Variants in SMTNL2 observed in about 807,000 individuals in gnomAD.
SMTNL2 encodes smoothelin like 2, also known as smoothelin-like protein 2.
Under a neutral mutation model 44.1 loss-of-function variants are expected in SMTNL2, and 43 were observed. That is an observed-to-expected ratio of 0.98 (90% CI 0.76 to 1.26). SMTNL2 has a LOEUF of 1.26. Among genes scored for constraint, SMTNL2 ranks in the 50% most tolerant of loss-of-function variants. SMTNL2 has a pLI of 0.00. For synonymous variants in SMTNL2, 317 were observed against 287.6 expected (o/e 1.10, Z -1.03); for missense variants, 646 against 670.2 (o/e 0.96, Z 0.40).
At chr17:4,603,531 G>A (rs896722348) in intron 7 of SMTNL2, among the ~76,000 whole-genome samples, 1 of 152,166 alleles carries the variant, frequency 6.6e-6, no homozygotes, top group African/African-American at 2.4e-5. Context: ...ACCCTGAGAT[G>A]AACAAGCTGA....
At position 4,584,708 on chromosome 17, in the gene SMTNL2, A is replaced by G; in HGVS notation, c.103A>G (p.Met35Val). ...TGCGGTGCGCGCGCTGCACGAGGAC[A>G]TGCGGGGGCTGCAGCGCGGCGTGGA... is the stretch of plus-strand genomic sequence containing the variant. Reference protein sequence around the residue: ...EGAVRALHEDMRGLQRGVERR... With the variant: ...EGAVRALHEDVRGLQRGVERR... Residue 35 changes from methionine to valine, a missense_variant, in exon 1 of 8, where the codon ATG becomes GTG. Transcript: ENST00000389313. 1 of 1,298,344 alleles carries G rather than the reference A, an allele frequency of 7.7e-7. No homozygotes were observed. The allele number at this position is 1,298,344 out of a possible 1,614,324, so 80.4% of individuals were successfully genotyped here. A position where few individuals can be genotyped will look rare whatever the true frequency, so the allele number is the denominator to read the frequency against.
At chr17:4,590,680 C>T (rs1042351063) in intron 1 of SMTNL2, among the ~76,000 whole-genome samples, 1 of 152,112 alleles carries the variant, frequency 6.6e-6, no homozygotes, top group African/African-American at 2.4e-5. Context: ...GTCTCCCAGC[C>T]AGATCCCTTT....
rs1910324951 is a variant in SMTNL2 at position 4,607,459 on chromosome 17, T to C, written c.1358T>C (p.Leu453Pro). ...TGTGTCTTCACCTACGTCCAGTCGCTGTACAACCACCTGCGTCGCTTCGAG... is the reference window on the plus strand; with the variant it reads ...TGTGTCTTCACCTACGTCCAGTCGCCGTACAACCACCTGCGTCGCTTCGAG... ...PMCVFTYVQS[L>P]YNHLRRFE The change falls in exon 8 of 8, where the codon CTG becomes CCG. Residue 453 changes from leucine to proline, a missense_variant. Leu to Pro is a moderately conservative substitution (Grantham distance 98). Coordinates refer to ENST00000389313, the MANE Select transcript of SMTNL2 (RefSeq NM_001114974.2). The surrounding 1 kb of genome is among the most constrained non-coding windows in gnomAD (Gnocchi z 4.7). 2.5e-6 allele frequency: 4 copies of C among 1,614,056 alleles called. No individual in the cohort carries two copies. In the South Asian group the frequency reaches 4.4e-5, roughly 18 times the overall value.
intron 1 of SMTNL2, among the ~76,000 whole-genome samples, chr17:4,588,975 G>A (rs556958984): frequency 6.0e-4 from 91 of 152,282 alleles, no homozygotes; most frequent in African/African-American, 2.1e-3. Context: ...CTTGCGCCTT[G>A]ACCTAAGGCA....
chr17:4,605,308 C>T (rs1426589526), intron 7 of SMTNL2, among the ~76,000 whole-genome samples: 1 of 151,854 alleles, frequency 6.6e-6, no homozygotes, highest in African/African-American at 2.4e-5. Flanking sequence ...TACAGGTGCA[C>T]ACCACCATGC....
Position 4,592,532 on chromosome 17 carries a change from C to A in SMTNL2, c.487+84C>A. The A allele has an allele frequency of 7.4e-7, 1 of 1,345,562 alleles. No homozygotes were observed. The highest frequency in any genetic ancestry group is 1.0e-6 in the Non-Finnish European group (1 of 978,456). 83.4% of individuals were successfully genotyped at this position (1,345,562 alleles called of 1,614,324 possible). ...GGTCAGGTATCTGTGCCAGGCTGGC[C>A]CTTGGCCTGGCATCGGGGGGACTCT... On this transcript the variant is annotated intron_variant, in intron 2 of 7. Coordinates refer to ENST00000389313, the MANE Select transcript of SMTNL2 (RefSeq NM_001114974.2). The surrounding 1 kb of genome is among the most constrained non-coding windows in gnomAD (Gnocchi z 4.5).
intron 7 of SMTNL2, 75 bp downstream of exon 7, chr17:4,597,398 T>C: frequency 1.3e-6 from 2 of 1,567,560 alleles, no homozygotes; most frequent in Non-Finnish European, 1.7e-6. Flanking sequence ...AGGTGGGGCA[T>C]GGGGGCGAGT....
At position 4,598,642 on chromosome 17, in the gene SMTNL2, G is replaced by A. The variant is rs1030770000; in HGVS notation, c.1259+1319G>A. 1.3e-5 allele frequency among the ~76,000 whole-genome samples: 2 copies of A among 152,062 alleles called. No individual in the cohort carries two copies. Among genetic ancestry groups the A allele is most frequent in the East Asian group, 1.9e-4 (1 of 5,188 alleles). Reference sequence around the variant, plus strand: ...AGTTCGAGACCAGCTTGGGCAACACGGCGAAACCCTGTCTCTACTAAAATA... The same window carrying A: ...AGTTCGAGACCAGCTTGGGCAACACAGCGAAACCCTGTCTCTACTAAAATA... On this transcript the variant is annotated intron_variant, in intron 7 of 7. Coordinates refer to ENST00000389313, the MANE Select transcript of SMTNL2 (RefSeq NM_001114974.2). This position sits in a 1 kb window ranked among gnomAD's most constrained non-coding sequence, Gnocchi z 4.8.
chr17:4,596,102 G>A (rs1303889039), intron 5 of SMTNL2, among the ~76,000 whole-genome samples: 5 of 121,632 alleles, frequency 4.1e-5, no homozygotes, highest in South Asian at 2.8e-4. Flanking sequence ...TGTGCAGGGT[G>A]TGGCCCAAGC....
intron 3 of SMTNL2, 105 bp downstream of exon 3, chr17:4,593,276 G>A: frequency 3.5e-6 from 5 of 1,446,890 alleles, no homozygotes; most frequent in Non-Finnish European, 4.6e-6. Context: ...GAAAACGAGG[G>A]GCTAAGCCCA....
chr17:4,588,507 C>T (rs556761560), intron 1 of SMTNL2, among the ~76,000 whole-genome samples: 1 of 152,174 alleles, frequency 6.6e-6, no homozygotes, highest in Non-Finnish European at 1.5e-5. Flanking sequence ...CCCAGCATAC[C>T]GAGGCCCCTC....
At position 4,595,286 on chromosome 17, in the gene SMTNL2, A is replaced by G. The variant is rs2150522298; in HGVS notation, c.948A>G (p.Lys316=). ...GCACCTCGGAGGCGCAGGCCCGGAAAGCATTGTTTGAGAAGTGGGAGCAGG... is the reference window on the plus strand; with the variant it reads ...GCACCTCGGAGGCGCAGGCCCGGAAGGCATTGTTTGAGAAGTGGGAGCAGG... The part of the protein sequence containing the change: ...LPRTSEAQAR[K]ALFEKWEQET... The change falls in exon 5 of 8, where the codon AAA becomes AAG. Residue 316 remains lysine (K), a synonymous_variant. Coordinates refer to ENST00000389313, the MANE Select transcript of SMTNL2 (RefSeq NM_001114974.2). The surrounding 1 kb of genome is among the most constrained non-coding windows in gnomAD (Gnocchi z 5.1). The G allele has an allele frequency of 6.2e-7, 1 of 1,613,216 alleles. No homozygotes were observed. Among genetic ancestry groups the G allele is most frequent in the Non-Finnish European group, 8.5e-7 (1 of 1,179,864 alleles).
At position 4,598,068 on chromosome 17, in the gene SMTNL2, C is replaced by T. The variant is rs984828049; in HGVS notation, c.1259+745C>T. Among the ~76,000 whole-genome samples, 8 of 152,338 alleles carry T rather than the reference C, an allele frequency of 5.3e-5. No homozygotes were observed. Among genetic ancestry groups the T allele is most frequent in the African/African-American group, 1.7e-4 (7 of 41,588 alleles). ...AGGAATGAGGTCGTGGGTCAGGCCT[C>T]ATGCAGCAGCCTCGGGATAACAGCA... On this transcript the variant is annotated intron_variant, in intron 7 of 7. Coordinates refer to ENST00000389313, the MANE Select transcript of SMTNL2 (RefSeq NM_001114974.2). This position sits in a 1 kb window ranked among gnomAD's most constrained non-coding sequence, Gnocchi z 4.8.
In SMTNL2 at chr17:4,592,898, A is replaced by G; in HGVS notation, c.488-31A>G. The G allele has an allele frequency of 1.9e-6, 3 of 1,589,240 alleles. No individual in the cohort carries two copies. Among genetic ancestry groups the G allele is most frequent in the Non-Finnish European group, 8.6e-7 (1 of 1,163,578 alleles). ...CAGGCCCCTGTGGCTGCCACAGCTG[A>G]CCACCCACCCATGCTGGTCACATGT... is the stretch of plus-strand genomic sequence containing the variant. On this transcript the variant is annotated intron_variant, in intron 2 of 7. Transcript: ENST00000389313. This position sits in a 1 kb window ranked among gnomAD's most constrained non-coding sequence, Gnocchi z 4.5.
rs141419382 is a variant in SMTNL2 at position 4,598,968 on chromosome 17, C to T, written c.1259+1645C>T. Among the ~76,000 whole-genome samples, 214 of 152,354 alleles carry T rather than the reference C, an allele frequency of 1.4e-3. 1 individual carries two copies. The highest frequency in any genetic ancestry group is 4.5e-3 in the African/African-American group (188 of 41,592). On this transcript the variant is annotated intron_variant, in intron 7 of 7. Coordinates refer to ENST00000389313, the MANE Select transcript of SMTNL2 (RefSeq NM_001114974.2). The surrounding 1 kb of genome is among the most constrained non-coding windows in gnomAD (Gnocchi z 4.8). ...CAGCCCCGGCCCTGGCCCACCACCC[C>T]GGCCCCTGAGCCTGGCCAGGGAAAG...
rs1910076697 is a variant in SMTNL2 at position 4,602,319 on chromosome 17, T to A, written c.1259+4996T>A. On this transcript the variant is annotated intron_variant, in intron 7 of 7. Transcript: ENST00000389313. ...GGGGTGGAAGGCAGGTGCTTTTTTT[T>A]TTTTTTTTTTTTTTTTTTTTGAGAT... is the stretch of plus-strand genomic sequence containing the variant. Among the ~76,000 whole-genome samples, 3 of 137,030 alleles carry A rather than the reference T, an allele frequency of 2.2e-5. No homozygotes were observed. The South Asian group carries it at 7.4e-4, about 34-fold the overall frequency. 89.9% of individuals were successfully genotyped at this position (137,030 alleles called of 152,430 possible). A position where few individuals can be genotyped will look rare whatever the true frequency, so the allele number is the denominator to read the frequency against.
intron 7 of SMTNL2, among the ~76,000 whole-genome samples, chr17:4,605,801 C>T (rs114571875): frequency 0.016 from 2,481 of 151,508 alleles, 64 homozygotes; most frequent in African/African-American, 0.058. Context: ...AATGTCAGGC[C>T]GGCTCCATCT....
rs145097761 is a variant in SMTNL2 at position 4,593,315 on chromosome 17, C to T, written c.730+144C>T. ...CTGCCTCTGCCTGCCATGTCAGCCC[C>T]TTCCCTTAGCCCATCCTCCCGGGCT... On this transcript the variant is annotated intron_variant, in intron 3 of 7. Coordinates refer to ENST00000389313, the MANE Select transcript of SMTNL2 (RefSeq NM_001114974.2). The T allele has an allele frequency of 8.8e-3, 11,193 of 1,268,872 alleles. 83 individuals carry two copies. Among genetic ancestry groups the T allele is most frequent in the Non-Finnish European group, 0.01 (9,888 of 949,396 alleles). 78.6% of individuals were successfully genotyped at this position (1,268,872 alleles called of 1,614,324 possible). A position where few individuals can be genotyped will look rare whatever the true frequency, so the allele number is the denominator to read the frequency against.
intron 1 of SMTNL2, among the ~76,000 whole-genome samples, chr17:4,586,614 G>A (rs1027458071): frequency 7.9e-5 from 12 of 152,184 alleles, no homozygotes; most frequent in African/African-American, 2.9e-4. Context: ...AGTCCACTAG[G>A]TTAGGAGTTG....
Sources: allele counts gnomAD v4.1 joint callset (sites outside exome capture counted in the v4.1 genomes callset), GRCh38; gene constraint gnomAD v4.1.1; non-coding constraint Gnocchi (gnomAD v3.1); transcripts MANE v1.5; gene names NCBI Gene and HGNC (gene_info 2026-07-23, HGNC 2026-07-21).